CTNNA3: variants seen among roughly 807,000 people sequenced by gnomAD.
CTNNA3 encodes the protein catenin alpha-3.
A neutral mutation model predicts 95.7 loss-of-function variants in CTNNA3; 76 were observed. The ratio of observed to expected loss-of-function variants is 0.79; its 90% CI spans 0.66 to 0.96. The LOEUF (loss-of-function observed/expected upper bound fraction) is 0.96. Ranked by LOEUF, CTNNA3 falls within the 40% of genes least tolerant of loss-of-function variation. The probability of loss-of-function intolerance (pLI) is 0.00; values close to 1 mark genes in which losing one functional copy is unlikely to be tolerated. For synonymous variants in CTNNA3, 431 were observed against 374.4 expected (o/e 1.15, Z -1.74); for missense variants, 1,191 against 1,089.8 (o/e 1.09, Z -1.31).
At chr10:66,277,110 G>T (rs569062569) in intron 13 of CTNNA3, among the ~76,000 whole-genome samples, 9 of 152,014 alleles carry the variant, frequency 5.9e-5, no homozygotes, top group Non-Finnish European at 1.3e-4. Context: ...AGTGGAAATA[G>T]CAATACTAAA....
At chr10:67,010,037 T>C (rs183637400) in intron 7 of CTNNA3, among the ~76,000 whole-genome samples, 1 of 152,306 alleles carries the variant, frequency 6.6e-6, no homozygotes, top group Admixed American at 6.5e-5. Flanking sequence ...TCCATTACTA[T>C]ATATCTCTTC....
chr10:65,985,962 T>C (rs925361637), intron 16 of CTNNA3, among the ~76,000 whole-genome samples: 8 of 151,586 alleles, frequency 5.3e-5, no homozygotes, highest in African/African-American at 1.9e-4. Context: ...AGTTGCCCTG[T>C]TTTGCTATCA....
intron 9 of CTNNA3, among the ~76,000 whole-genome samples, chr10:66,732,103 A>G (rs559103176): frequency 1.3e-5 from 2 of 152,242 alleles, no homozygotes; most frequent in Admixed American, 1.3e-4. Context: ...AATTGACTCA[A>G]TTTGCCCAGG....
intron 9 of CTNNA3, among the ~76,000 whole-genome samples, chr10:66,706,217 G>A (rs1005002522): frequency 2.0e-5 from 3 of 151,848 alleles, no homozygotes; most frequent in African/African-American, 7.3e-5. Context: ...TCCTCCCTTG[G>A]CATCACTCTG....
chr10:67,471,695 G>T (rs1847836106), intron 5 of CTNNA3, among the ~76,000 whole-genome samples: 1 of 152,184 alleles, frequency 6.6e-6, no homozygotes, highest in Non-Finnish European at 1.5e-5. Flanking sequence ...TAAATCGGGA[G>T]TGGATGTTTT....
At chr10:66,242,654 G>C (rs2090157286) in intron 13 of CTNNA3, among the ~76,000 whole-genome samples, 1 of 152,164 alleles carries the variant, frequency 6.6e-6, no homozygotes. Context: ...ATGTGGACCA[G>C]TCAGAACCCT....
intron 9 of CTNNA3, among the ~76,000 whole-genome samples, chr10:66,693,965 T>G (rs1224480426): frequency 2.0e-5 from 3 of 151,154 alleles, no homozygotes; most frequent in Non-Finnish European, 4.4e-5. Context: ...CAAAGCAGTG[T>G]GTAGAGGGAA....
At chr10:66,415,846 C>T (rs1211780026) in intron 11 of CTNNA3, among the ~76,000 whole-genome samples, 5 of 152,136 alleles carry the variant, frequency 3.3e-5, no homozygotes, top group Non-Finnish European at 5.9e-5. Context: ...CAAAAAAAGT[C>T]CTTCCCTGTG....
At chr10:65,926,546 G>T (rs1054499044) in intron 17 of CTNNA3, among the ~76,000 whole-genome samples, 1 of 142,068 alleles carries the variant, frequency 7.0e-6, no homozygotes, top group Non-Finnish European at 1.5e-5. Context: ...GTTCAATTTT[G>T]GCTCACTGCA....
chr10:66,987,616 G>A (rs1465040725), intron 7 of CTNNA3, among the ~76,000 whole-genome samples: 2 of 152,120 alleles, frequency 1.3e-5, no homozygotes, highest in Non-Finnish European at 2.9e-5. Flanking sequence ...AAGAATCATT[G>A]AGGAAATGTC....
At chr10:66,535,726 G>A (rs1326550227) in intron 10 of CTNNA3, among the ~76,000 whole-genome samples, 1 of 152,106 alleles carries the variant, frequency 6.6e-6, no homozygotes, top group Non-Finnish European at 1.5e-5. Flanking sequence ...GATGGGGAGG[G>A]AGAAGTCTGT....
At chr10:66,810,966 A>G (rs373586693) in intron 7 of CTNNA3, among the ~76,000 whole-genome samples, 17 of 152,312 alleles carry the variant, frequency 1.1e-4, no homozygotes, top group African/African-American at 4.1e-4. Context: ...GGTATTAAGC[A>G]GAGTATATTG....
intron 3 of CTNNA3, among the ~76,000 whole-genome samples, chr10:67,570,603 G>T (rs1221065800): frequency 6.6e-6 from 1 of 152,110 alleles, no homozygotes; most frequent in Non-Finnish European, 1.5e-5. Context: ...TTACTAGGTG[G>T]TTCCACCTGG....
chr10:66,003,724 T>C (rs1055705734), intron 15 of CTNNA3, among the ~76,000 whole-genome samples: 6 of 152,210 alleles, frequency 3.9e-5, no homozygotes, highest in Admixed American at 3.9e-4. Context: ...ATTTAATATT[T>C]TTTTGTGTGA....
At position 67,691,420 on chromosome 10, in the gene CTNNA3, T is replaced by G. The variant is rs908277468; in HGVS notation, c.-6+4580A>C. 7.2e-4 allele frequency among the ~76,000 whole-genome samples: 108 copies of G among 150,760 alleles called. 1 individual carries two copies. The highest frequency in any genetic ancestry group is 2.6e-3 in the African/African-American group (106 of 40,986). ...CTGGAAAGTGAGGAGCGTCTCTGCC[T>G]GGCCGCCATCCCATCTAGGAAGTGA... is the stretch of plus-strand genomic sequence containing the variant. On this transcript the variant is annotated intron_variant, in intron 1 of 17. Coordinates refer to ENST00000433211, the MANE Select transcript of CTNNA3 (RefSeq NM_013266.4).
intron 11 of CTNNA3, among the ~76,000 whole-genome samples, chr10:66,460,650 C>A (rs10997140): frequency 0.38 from 57,564 of 151,814 alleles, 11,426 homozygotes; most frequent in African/African-American, 0.49. Context: ...GCCCATAGAG[C>A]GACTGAGCAT....
At chr10:66,123,589 A>G (rs745707353) in intron 13 of CTNNA3, among the ~76,000 whole-genome samples, 1 of 152,130 alleles carries the variant, frequency 6.6e-6, no homozygotes, top group Non-Finnish European at 1.5e-5. Flanking sequence ...CTCTGACCCC[A>G]CATTTCCCTT....
intron 12 of CTNNA3, among the ~76,000 whole-genome samples, chr10:66,356,117 G>GTTTTTTTT (rs1275052192): frequency 7.6e-5 from 8 of 104,730 alleles, no homozygotes; most frequent in East Asian, 4.2e-4. Flanking sequence ...TTGTTTGCTT[G>GTTTTTTTT]TTTTGTTTTT....
chr10:67,750,510 T>C (rs1221206449), intron 1 of CTNNA3: 1 of 1,567,072 alleles, frequency 6.4e-7, no homozygotes, highest in Middle Eastern at 1.7e-4. Context: ...CTCTTCATCA[T>C]CAACAAGTTG....
Sources: allele counts gnomAD v4.1 joint callset (sites outside exome capture counted in the v4.1 genomes callset), GRCh38; gene constraint gnomAD v4.1.1; transcripts MANE v1.5; gene names NCBI Gene and HGNC (gene_info 2026-07-23, HGNC 2026-07-21).